LHFPL4: variants seen among roughly 807,000 people sequenced by gnomAD.
LHFPL4 encodes LHFPL tetraspan subfamily member 4 protein.
LHFPL4 carries 6 observed loss-of-function variants against 20.0 expected under a neutral mutation model. That is an observed-to-expected ratio of 0.30 (90% CI 0.16 to 0.59). The LOEUF (loss-of-function observed/expected upper bound fraction) is 0.59, where lower values mean the gene tolerates loss of function less well. Ranked by LOEUF, LHFPL4 falls within the 20% of genes least tolerant of loss-of-function variation. The probability of loss-of-function intolerance (pLI) is 0.88; values close to 1 mark genes in which losing one functional copy is unlikely to be tolerated. For synonymous variants in LHFPL4, 129 were observed against 143.8 expected (o/e 0.90, Z 0.74); for missense variants, 215 against 331.2 (o/e 0.65, Z 2.72).
At chr3:9,510,705 A>G (rs573570792) in intron 2 of LHFPL4, among the ~76,000 whole-genome samples, 1 of 152,286 alleles carries the variant, frequency 6.6e-6, no homozygotes, top group Non-Finnish European at 1.5e-5. Flanking sequence ...TGTGAGGCCA[A>G]GACGAGTGGA....
chr3:9,537,929 G>T (rs2046453448), intron 2 of LHFPL4, among the ~76,000 whole-genome samples: 1 of 152,078 alleles, frequency 6.6e-6, no homozygotes, highest in African/African-American at 2.4e-5. Flanking sequence ...CTTTCCCCTT[G>T]CACATCCCAT....
chr3:9,536,564 C>T (rs1574851620), intron 2 of LHFPL4, among the ~76,000 whole-genome samples: 2 of 152,192 alleles, frequency 1.3e-5, no homozygotes, highest in South Asian at 2.1e-4. Flanking sequence ...CCATGACCTT[C>T]CTCCCTGATT....
At chr3:9,516,265 C>G (rs2046300503) in intron 2 of LHFPL4, among the ~76,000 whole-genome samples, 1 of 152,068 alleles carries the variant, frequency 6.6e-6, no homozygotes, top group Non-Finnish European at 1.5e-5. Flanking sequence ...AGTGTAAGGT[C>G]TATGTCCATA....
intron 2 of LHFPL4, among the ~76,000 whole-genome samples, chr3:9,515,328 A>G (rs532320398): frequency 6.2e-4 from 95 of 152,258 alleles, no homozygotes; most frequent in African/African-American, 2.0e-3. Context: ...CTTTTGCCCA[A>G]TGTTTAATTA....
chr3:9,550,707 C>T (rs1335318138), intron 2 of LHFPL4: 2 of 152,126 alleles, frequency 1.3e-5, no homozygotes, highest in Admixed American at 6.5e-5. Flanking sequence ...CCCTGGGTAC[C>T]ACAGAGAAGT....
intron 2 of LHFPL4, among the ~76,000 whole-genome samples, chr3:9,537,274 A>C (rs2046449707): frequency 6.6e-6 from 1 of 151,906 alleles, no homozygotes; most frequent in Non-Finnish European, 1.5e-5. Context: ...TGTCAAATTC[A>C]TCCTCTCTTC....
At chr3:9,504,653 A>G (rs1051901227) in intron 3 of LHFPL4, among the ~76,000 whole-genome samples, 40 of 152,150 alleles carry the variant, frequency 2.6e-4, no homozygotes, top group African/African-American at 8.7e-4. Context: ...GTGAAACCCC[A>G]TCTCCACTAA....
intron 2 of LHFPL4, among the ~76,000 whole-genome samples, chr3:9,531,546 G>C (rs1248098276): frequency 6.6e-6 from 1 of 152,214 alleles, no homozygotes; most frequent in East Asian, 1.9e-4. Context: ...GATCATGCCT[G>C]TAATCCCAGC....
intron 2 of LHFPL4, among the ~76,000 whole-genome samples, chr3:9,521,424 C>T (rs9875393): frequency 0.31 from 45,940 of 149,286 alleles, 7,564 homozygotes; most frequent in Non-Finnish European, 0.36. Flanking sequence ...TTTTATTAGA[C>T]GGAGTCTCAC....
chr3:9,503,029 TG>T (rs2046188840), intron 3 of LHFPL4, among the ~76,000 whole-genome samples: 1 of 152,110 alleles, frequency 6.6e-6, no homozygotes, highest in Admixed American at 6.6e-5. Context: ...TAATAGAAAC[TG>T]GGTTTTGTTA....
chr3:9,515,599 T>G (rs909225564), intron 2 of LHFPL4, among the ~76,000 whole-genome samples: 3 of 151,500 alleles, frequency 2.0e-5, no homozygotes, highest in Non-Finnish European at 4.4e-5. Context: ...GTCTCGAACT[T>G]GACCACAGGT....
intron 2 of LHFPL4, chr3:9,550,493 C>T (rs765992500): frequency 1.3e-5 from 2 of 152,174 alleles, no homozygotes; most frequent in East Asian, 3.8e-4. Context: ...AGGAGCTGAT[C>T]TCTAAGGTGC....
intron 2 of LHFPL4, among the ~76,000 whole-genome samples, chr3:9,545,341 A>C (rs2046504929): frequency 1.3e-5 from 2 of 152,334 alleles, no homozygotes; most frequent in African/African-American, 4.8e-5. Context: ...ACATACAACA[A>C]AGACAGTGGA....
chr3:9,553,349 G>A (rs2046569908), intron 1 of LHFPL4, among the ~76,000 whole-genome samples: 1 of 150,430 alleles, frequency 6.6e-6, no homozygotes, highest in Non-Finnish European at 1.5e-5. Flanking sequence ...GGCAGAATTA[G>A]GATACAGCTA....
chr3:9,507,178 G>A (rs1164413551), intron 2 of LHFPL4, among the ~76,000 whole-genome samples: 1 of 152,184 alleles, frequency 6.6e-6, no homozygotes, highest in African/African-American at 2.4e-5. Context: ...ACTTAGCACG[G>A]TGCCAGGCAC....
chr3:9,506,245 G>A lies in LHFPL4; in HGVS notation c.407-42C>T. 1 of 1,515,158 alleles carries A rather than the reference G, an allele frequency of 6.6e-7. No individual in the cohort carries two copies. The highest frequency in any genetic ancestry group is 9.2e-7 in the Non-Finnish European group (1 of 1,090,636). The allele number at this position is 1,515,158 out of a possible 1,614,324, so 93.9% of individuals were successfully genotyped here. A position where few individuals can be genotyped will look rare whatever the true frequency, so the allele number is the denominator to read the frequency against. ...CGGGCCCACCACCACGGTCAGGAAGGAAGAGAAAAGACCATTACTCGCTAG... is the reference window on the plus strand; with the variant it reads ...CGGGCCCACCACCACGGTCAGGAAGAAAGAGAAAAGACCATTACTCGCTAG... On this transcript the variant is annotated intron_variant, in intron 2 of 3. Coordinates refer to ENST00000287585, the MANE Select transcript of LHFPL4 (RefSeq NM_198560.3). The surrounding 1 kb of genome is among the most constrained non-coding windows in gnomAD (Gnocchi z 4.5).
chr3:9,552,225 C>T (rs779834316), intron 2 of LHFPL4, 49 bp downstream of exon 2: 19 of 1,543,438 alleles, frequency 1.2e-5, no homozygotes, highest in Admixed American at 3.9e-5. Context: ...CAGGAAGGAG[C>T]CCCGTCCCTG....
chr3:9,538,353 A>G (rs1465771931), intron 2 of LHFPL4, among the ~76,000 whole-genome samples: 26 of 152,154 alleles, frequency 1.7e-4, no homozygotes, highest in Non-Finnish European at 1.5e-5. Flanking sequence ...AAGGCCCTCC[A>G]TAAGCCAGCC....
At chr3:9,532,693 GA>G (rs1471311165) in intron 2 of LHFPL4, among the ~76,000 whole-genome samples, 17 of 152,264 alleles carry the variant, frequency 1.1e-4, no homozygotes, top group African/African-American at 4.1e-4. Context: ...CTCTTTTAGG[GA>G]GGCCTTTTTT....
Sources: gnomAD v4.1 joint callset for allele counts (sites outside exome capture counted in the v4.1 genomes callset) on GRCh38, gnomAD v4.1.1 for gene constraint, Gnocchi (gnomAD v3.1) non-coding constraint, MANE v1.5 for transcripts, NCBI Gene and HGNC (gene_info 2026-07-23, HGNC 2026-07-21) for gene names.